The following FAM227B variants were observed in gnomAD, a reference collection of about 807,000 sequenced individuals.
The protein encoded by FAM227B is protein FAM227B.
In FAM227B, 88 loss-of-function variants were observed where a neutral mutation model predicts 73.8. The ratio of observed to expected loss-of-function variants is 1.19; its 90% CI spans 1.00 to 1.42. FAM227B has a LOEUF of 1.42. FAM227B is among the 40% of genes most tolerant of loss of function. FAM227B has a pLI of 0.00. For synonymous variants in FAM227B, 210 were observed against 190.5 expected (o/e 1.10, Z -0.84); for missense variants, 632 against 590.9 (o/e 1.07, Z -0.72).
chr15:49,347,227 G>A (rs969390990), intron 13 of FAM227B, among the ~76,000 whole-genome samples: 1 of 152,178 alleles, frequency 6.6e-6, no homozygotes, highest in Non-Finnish European at 1.5e-5. Flanking sequence ...CTTGTATTAG[G>A]CATGGAGACA....
intron 11 of FAM227B, among the ~76,000 whole-genome samples, chr15:49,477,286 C>T (rs554183967): frequency 6.6e-5 from 10 of 152,254 alleles, no homozygotes; most frequent in South Asian, 6.2e-4. Flanking sequence ...TACAGTATTA[C>T]GCAGAATAGT....
chr15:49,460,108 G>A (rs576417039), intron 11 of FAM227B, among the ~76,000 whole-genome samples: 2 of 152,168 alleles, frequency 1.3e-5, no homozygotes, highest in East Asian at 1.9e-4. Context: ...CCTGTGCAAG[G>A]AATGTCAAGC....
At chr15:49,483,118 A>G in intron 11 of FAM227B, 1 of 1,176,488 alleles carries the variant, frequency 8.5e-7, no homozygotes, top group Non-Finnish European at 1.3e-6. Context: ...AACTGAACGA[A>G]TATTTGACAT....
chr15:49,461,099 T>C (rs2053756467), intron 11 of FAM227B, among the ~76,000 whole-genome samples: 1 of 152,162 alleles, frequency 6.6e-6, no homozygotes, highest in Non-Finnish European at 1.5e-5. Context: ...TGTTTCTCCC[T>C]GACTTAAATA....
chr15:49,439,419 T>C (rs112726260), intron 11 of FAM227B, among the ~76,000 whole-genome samples: 3,541 of 151,762 alleles, frequency 0.023, 87 homozygotes, highest in South Asian at 0.13. Flanking sequence ...CCTAGTAAAA[T>C]AGTAAAACGT....
At chr15:49,595,691 G>A (rs896654789) in intron 3 of FAM227B, among the ~76,000 whole-genome samples, 1 of 151,020 alleles carries the variant, frequency 6.6e-6, no homozygotes, top group Admixed American at 6.6e-5. Flanking sequence ...CGAGAAAGGG[G>A]AAAACAAACA....
intron 10 of FAM227B, among the ~76,000 whole-genome samples, chr15:49,510,262 C>T (rs2058889331): frequency 1.3e-5 from 2 of 152,086 alleles, no homozygotes; most frequent in African/African-American, 4.8e-5. Context: ...TCAGCATTTA[C>T]ATTATTGTAA....
At chr15:49,497,098 G>A (rs1313601251) in intron 11 of FAM227B, among the ~76,000 whole-genome samples, 1 of 151,998 alleles carries the variant, frequency 6.6e-6, no homozygotes, top group African/African-American at 2.4e-5. Context: ...ACAAAATGCT[G>A]GAAAAGGGGA....
intron 11 of FAM227B, among the ~76,000 whole-genome samples, chr15:49,465,887 C>T (rs1321565232): frequency 1.3e-5 from 2 of 152,102 alleles, no homozygotes; most frequent in Non-Finnish European, 2.9e-5. Flanking sequence ...TGACACACTA[C>T]TTAATATGGT....
At chr15:49,591,959 C>T (rs749274973) in intron 3 of FAM227B, among the ~76,000 whole-genome samples, 48 of 152,138 alleles carry the variant, frequency 3.2e-4, no homozygotes, top group Admixed American at 8.5e-4. Flanking sequence ...TCCACTTGAT[C>T]GAATTGGCTA....
chr15:49,532,967 T>C (rs765838716), intron 10 of FAM227B, among the ~76,000 whole-genome samples: 6 of 151,954 alleles, frequency 3.9e-5, no homozygotes, highest in Non-Finnish European at 5.9e-5. Context: ...TGACTAAAAC[T>C]CCCTAAACTT....
chr15:49,534,083 T>C (rs989192555), intron 10 of FAM227B, among the ~76,000 whole-genome samples: 1 of 151,818 alleles, frequency 6.6e-6, no homozygotes, highest in Non-Finnish European at 1.5e-5. Flanking sequence ...ATAAATCCTA[T>C]TATAATTACA....
intron 11 of FAM227B, among the ~76,000 whole-genome samples, chr15:49,463,529 C>T (rs1361009197): frequency 4.2e-5 from 6 of 144,552 alleles, no homozygotes; most frequent in East Asian, 4.0e-4. Context: ...CCAGCCTAGG[C>T]GACACAGTGA....
chr15:49,423,594 T>C (rs879670152), intron 11 of FAM227B, among the ~76,000 whole-genome samples: 1 of 152,112 alleles, frequency 6.6e-6, no homozygotes, highest in Admixed American at 6.6e-5. Flanking sequence ...AAAGATAAGG[T>C]TGAAGTTCTC....
chr15:49,435,895 CA>C (rs1260332233), intron 11 of FAM227B, among the ~76,000 whole-genome samples: 1 of 151,522 alleles, frequency 6.6e-6, no homozygotes, highest in African/African-American at 2.4e-5. Flanking sequence ...CAACTGGGAA[CA>C]TTTTTATTGA....
intron 13 of FAM227B, among the ~76,000 whole-genome samples, chr15:49,338,994 T>C (rs551907692): frequency 6.6e-5 from 10 of 152,320 alleles, no homozygotes; most frequent in African/African-American, 2.4e-4. Flanking sequence ...ACTTATGTTC[T>C]TCTCTAAACT....
At chr15:49,616,297 C>T (rs1437713400) in intron 1 of FAM227B, among the ~76,000 whole-genome samples, 1 of 152,162 alleles carries the variant, frequency 6.6e-6, no homozygotes, top group Admixed American at 6.5e-5. Flanking sequence ...AGCTTGCTTG[C>T]TTATACTCTC....
At chr15:49,361,453 A>G (rs1225762600) in intron 13 of FAM227B, among the ~76,000 whole-genome samples, 1 of 152,012 alleles carries the variant, frequency 6.6e-6, no homozygotes, top group African/African-American at 2.4e-5. Context: ...TTGTGTCCAC[A>G]TGTACTCAAT....
chr15:49,441,324 G>A (rs2051619594), intron 11 of FAM227B, among the ~76,000 whole-genome samples: 1 of 151,630 alleles, frequency 6.6e-6, no homozygotes, highest in African/African-American at 2.4e-5. Flanking sequence ...CTCATTAGGG[G>A]ATACAATGAT....
Sources: gnomAD v4.1 joint callset for allele counts (sites outside exome capture counted in the v4.1 genomes callset) on GRCh38, gnomAD v4.1.1 for gene constraint, MANE v1.5 for transcripts, NCBI Gene and HGNC (gene_info 2026-07-23, HGNC 2026-07-21) for gene names.